Variants in VWA5B1 observed in about 807,000 individuals in gnomAD.
The protein encoded by VWA5B1 is von Willebrand factor A domain containing 5B1.
A neutral mutation model predicts 118.2 loss-of-function variants in VWA5B1; 115 were observed. The observed-to-expected ratio is 0.97, with a 90% CI of 0.84 to 1.14. The LOEUF (loss-of-function observed/expected upper bound fraction) is 1.14, where lower values mean the gene tolerates loss of function less well. Ranked by LOEUF, VWA5B1 falls within the 50% of genes most tolerant of loss-of-function variation. The pLI is 0.00. For synonymous variants in VWA5B1, 682 were observed against 658.4 expected (o/e 1.04, Z -0.55); for missense variants, 1,596 against 1,603.8 (o/e 1.00, Z 0.08).
At position 20,314,348 on chromosome 1, in the gene VWA5B1, A is replaced by G. The variant is rs1185000558; in HGVS notation, c.319A>G (p.Ile107Val). The change falls in exon 4 of 22, where the codon ATA becomes GTA. Residue 107 changes from isoleucine to valine, a missense_variant. Ile to Val is a conservative substitution (Grantham distance 29, BLOSUM62 3). Coordinates refer to ENST00000289815, the MANE Select transcript of VWA5B1 (RefSeq NM_001039500.3). ...TGNILQDGVS[I>V]APHSCTPGKV... ...GAACATTCTGCAAGACGGGGTTTCC[A>G]TAGCCCCTCATTCCTGCACACCGGG... The G allele has an allele frequency of 1.9e-6, 3 of 1,551,896 alleles. No homozygotes were observed. The highest frequency in any genetic ancestry group is 2.4e-5 in the East Asian group (1 of 40,916).
rs78068934 is a variant in VWA5B1, at chr1:20,302,341, G to A, written c.-26-8235G>A. ...TCTCCCATTGTTAGATTCTTCAGAC[G>A]AACCTGTAGCCAAGTCCTATATCCA... On this transcript the variant is annotated intron_variant, in intron 1 of 21. Transcript: ENST00000289815. Among the ~76,000 whole-genome samples the A allele has an allele frequency of 2.1e-3, 313 of 152,296 alleles. 2 individuals are homozygous for A. Among genetic ancestry groups the A allele is most frequent in the African/African-American group, 7.2e-3 (300 of 41,550 alleles).
intron 18 of VWA5B1, among the ~76,000 whole-genome samples, chr1:20,349,731 C>CTT (rs35309990): frequency 0.053 from 5,919 of 111,662 alleles, 200 homozygotes; most frequent in Middle Eastern, 0.08. Flanking sequence ...ACATTCCTGA[C>CTT]TTTTTTTTTT....
At chr1:20,310,423 C>G (rs2088811685) in intron 1 of VWA5B1, among the ~76,000 whole-genome samples, 153 bp from the exon 2 acceptor site, 1 of 152,184 alleles carries the variant, frequency 6.6e-6, no homozygotes, top group African/African-American at 2.4e-5. Context: ...GGTAGTTATC[C>G]TGCGGTCACT....
chr1:20,344,317 C>T (rs762651532), intron 16 of VWA5B1, among the ~76,000 whole-genome samples: 6 of 152,144 alleles, frequency 3.9e-5, no homozygotes, highest in Non-Finnish European at 8.8e-5. Context: ...CCACACCTTC[C>T]TCCAAGTCCC....
chr1:20,319,234 C>T (rs2089127383), intron 6 of VWA5B1, 148 bp from the exon 7 acceptor site: 1 of 1,217,270 alleles, frequency 8.2e-7, no homozygotes, highest in South Asian at 1.5e-5. Context: ...CTTCCCTAGC[C>T]CTACACTGCT....
rs2089286676 is a variant in VWA5B1, at chr1:20,323,513, T to A, written c.1124T>A (p.Ile375Asn). The A allele has an allele frequency of 6.6e-7, 1 of 1,505,036 alleles. No homozygotes were observed. The highest frequency in any genetic ancestry group is 8.9e-7 in the Non-Finnish European group (1 of 1,124,842). 93.2% of individuals were successfully genotyped at this position (1,505,036 alleles called of 1,614,324 possible). A position where few individuals can be genotyped will look rare whatever the true frequency, so the allele number is the denominator to read the frequency against. Reference sequence around the variant, plus strand: ...GACAGGAGCAGCAGCATGAGCGGGATCAGCATGCACCGAGTCAAGGTACCT... The same window carrying A: ...GACAGGAGCAGCAGCATGAGCGGGAACAGCATGCACCGAGTCAAGGTACCT... ...LIDRSSSMSG[I>N]SMHRVKDAML... is the part of the protein sequence containing the mutation. The change falls in exon 8 of 22, where the codon ATC becomes AAC. Residue 375 changes from isoleucine to asparagine, a missense_variant. By Grantham distance (149) the Ile-to-Asn change is moderately radical. Transcript: ENST00000289815.
At chr1:20,321,756 G>A (rs890605347) in intron 7 of VWA5B1, among the ~76,000 whole-genome samples, 22 of 152,220 alleles carry the variant, frequency 1.4e-4, no homozygotes, top group African/African-American at 5.3e-4. Context: ...TGGATGGAGA[G>A]GGCACAGGGG....
intron 7 of VWA5B1, among the ~76,000 whole-genome samples, chr1:20,321,620 G>A (rs1287464496): frequency 6.6e-6 from 1 of 151,978 alleles, no homozygotes; most frequent in African/African-American, 2.4e-5. Context: ...CAATGAGCCA[G>A]ATCTGTTTGG....
At chr1:20,343,040 C>T in intron 15 of VWA5B1, 39 bp from the exon 16 acceptor site, 13 of 1,475,222 alleles carry the variant, frequency 8.8e-6, no homozygotes, top group Non-Finnish European at 1.2e-5. Flanking sequence ...CGTCTGTCCC[C>T]CAGGTCAGCG....
rs1364687259 is a variant in VWA5B1, at chr1:20,355,749, C to A, written c.*1486C>A. On this transcript the variant is annotated 3_prime_UTR_variant, in exon 22 of 22. Coordinates refer to ENST00000289815, the MANE Select transcript of VWA5B1 (RefSeq NM_001039500.3). ...GGAGGAGGCTCCAGCAGAACGCCCA[C>A]TGGGCACAAGGGGAGAAAAAGCAGC... 6.6e-6 allele frequency among the ~76,000 whole-genome samples: 1 copy of A among 152,258 alleles called. No homozygotes were observed. The highest frequency in any genetic ancestry group is 1.5e-5 in the Non-Finnish European group (1 of 68,046).
chr1:20,330,033 T>C (rs779055635), intron 9 of VWA5B1, 147 bp from the exon 10 acceptor site: 2 of 891,776 alleles, frequency 2.2e-6, no homozygotes, highest in Non-Finnish European at 3.4e-6. Context: ...CCATTCTTCC[T>C]GTGAGTGTGG....
chr1:20,297,913 T>C (rs558807716), intron 1 of VWA5B1, among the ~76,000 whole-genome samples: 20 of 150,294 alleles, frequency 1.3e-4, no homozygotes, highest in Non-Finnish European at 2.2e-4. Flanking sequence ...AATTAATTCA[T>C]GGATGTGAAA....
rs971561869 is a variant in VWA5B1 at position 20,350,120 on chromosome 1, G to A, written c.2879-36G>A. ...AGGGGATGGGAGGCGAGGAAGGGAG[G>A]GGAGAGGTCCAGCCTCACTGGCTCC... On this transcript the variant is annotated intron_variant, in intron 18 of 21. Coordinates refer to ENST00000289815, the MANE Select transcript of VWA5B1 (RefSeq NM_001039500.3). 4 of 1,542,942 alleles carry A rather than the reference G, an allele frequency of 2.6e-6. No individual in the cohort carries two copies. In the African/African-American group the frequency reaches 5.5e-5, roughly 21 times the overall value.
chr1:20,315,880 T>A (rs768152014), intron 4 of VWA5B1, among the ~76,000 whole-genome samples: 1 of 152,212 alleles, frequency 6.6e-6, no homozygotes, highest in Non-Finnish European at 1.5e-5. Flanking sequence ...GTTGTCTTTG[T>A]AAGTGTTGCC....
At chr1:20,341,126 C>T (rs4654855) in intron 14 of VWA5B1, among the ~76,000 whole-genome samples, 23,327 of 152,110 alleles carry the variant, frequency 0.15, 2,428 homozygotes, top group East Asian at 0.38. Flanking sequence ...AAGAAAGATA[C>T]TTCTTTATTT....
At chr1:20,327,865 T>C (rs1348466270) in intron 8 of VWA5B1, 25 bp from the exon 9 acceptor site, 14 of 1,544,812 alleles carry the variant, frequency 9.1e-6, no homozygotes, top group Non-Finnish European at 1.2e-5. Context: ...TCCTGAATCC[T>C]GAAAACCCCT....
chr1:20,345,006 C>T (rs1192955425), intron 16 of VWA5B1, among the ~76,000 whole-genome samples: 1 of 152,202 alleles, frequency 6.6e-6, no homozygotes, highest in Non-Finnish European at 1.5e-5. Context: ...CAGCTCACCA[C>T]TCTCCTCTGA....
At position 20,312,938 on chromosome 1, in the gene VWA5B1, T is replaced by C. The variant is rs1489957149; in HGVS notation, c.242T>C (p.Leu81Pro). ...VTVQIKDKAKLESGHFDASHV... is the reference protein window; with the variant it reads ...VTVQIKDKAKPESGHFDASHV... ...GTACAGATCAAGGACAAAGCCAAGC[T>C]GGAGAGCGGCCACTTCGATGCCTCC... The change falls in exon 3 of 22, where the codon CTG (leucine) becomes CCG (proline). Residue 81 changes from leucine (L) to proline (P), a missense_variant. Leu to Pro is a moderately conservative substitution (Grantham distance 98). Transcript: ENST00000289815. 9 of 1,551,642 alleles carry C rather than the reference T, an allele frequency of 5.8e-6. No individual in the cohort carries two copies. Among genetic ancestry groups the C allele is most frequent in the Non-Finnish European group, 7.0e-6 (8 of 1,146,986 alleles).
Position 20,334,015 on chromosome 1 carries a change from C to T in VWA5B1, c.1758+1064C>T, listed in dbSNP as rs147075937. On this transcript the variant is annotated intron_variant, in intron 12 of 21. Coordinates refer to ENST00000289815, the MANE Select transcript of VWA5B1 (RefSeq NM_001039500.3). ...TCACAGTTGGAAAGGCAATAGGGAG[C>T]GGTGAGGAATATGGCAAACTGGATG... 3.5e-4 allele frequency among the ~76,000 whole-genome samples: 53 copies of T among 152,262 alleles called. No individual in the cohort carries two copies. In the East Asian group the frequency reaches 6.8e-3, roughly 19 times the overall value.
Sources: allele counts gnomAD v4.1 joint callset (sites outside exome capture counted in the v4.1 genomes callset), GRCh38; gene constraint gnomAD v4.1.1; transcripts MANE v1.5; gene names NCBI Gene and HGNC (gene_info 2026-07-23, HGNC 2026-07-21).